DMRTC2: variants seen among roughly 807,000 people sequenced by gnomAD.
The protein encoded by DMRTC2 is doublesex- and mab-3-related transcription factor C2.
In DMRTC2, 13 loss-of-function variants were observed where a neutral mutation model predicts 39.9. That is an observed-to-expected ratio of 0.33 (90% CI 0.21 to 0.52). The LOEUF is 0.52. DMRTC2 is among the 20% of genes least tolerant of loss of function. DMRTC2 has a pLI of 0.96. For missense variants in DMRTC2, 431 were observed against 472.8 expected (o/e 0.91, Z 0.82); for synonymous variants, 189 against 185.2 (o/e 1.02, Z -0.17).
chr19:41,850,929 G>A (rs1227228246), intron 8 of DMRTC2: 2 of 478,868 alleles, frequency 4.2e-6, no homozygotes, highest in South Asian at 4.0e-5. Flanking sequence ...GGAAAGTGGG[G>A]CACTGAGAAA....
chr19:41,851,019 T>A, intron 8 of DMRTC2: 1 of 292,246 alleles, frequency 3.4e-6, no homozygotes, highest in Non-Finnish European at 6.3e-6. Flanking sequence ...GGCTGCCTGC[T>A]GAAGTCTGAA....
At chr19:41,845,441 G>A (rs1426894925) in intron 1 of DMRTC2, 1 of 152,308 alleles carries the variant, frequency 6.6e-6, no homozygotes, top group Non-Finnish European at 1.5e-5. Context: ...CAAGGAGAAG[G>A]TTTTTGGCCC....
intron 8 of DMRTC2, 72 bp downstream of exon 8, chr19:41,850,772 C>G: frequency 6.9e-7 from 1 of 1,447,666 alleles, no homozygotes; most frequent in Non-Finnish European, 9.1e-7. Context: ...CAGGGACTAA[C>G]CAAGGAGATG....
intron 3 of DMRTC2, 150 bp downstream of exon 3, chr19:41,848,031 A>G (rs1437661473): frequency 4.2e-6 from 5 of 1,203,504 alleles, no homozygotes; most frequent in Non-Finnish European, 3.4e-6. Context: ...CGTTGAGAGA[A>G]TGCAGCGAGT....
intron 8 of DMRTC2, 36 bp from the exon 9 acceptor site, chr19:41,851,548 T>C (rs2073956933): frequency 6.3e-7 from 1 of 1,576,138 alleles, no homozygotes; most frequent in South Asian, 1.1e-5. Context: ...GAAAAACAGG[T>C]GTGACCTGAT....
At chr19:41,846,954 T>C (rs1437560933) in intron 1 of DMRTC2, among the ~76,000 whole-genome samples, 2 of 151,286 alleles carry the variant, frequency 1.3e-5, no homozygotes, top group African/African-American at 2.4e-5. Context: ...GACAGGCAGA[T>C]CACTTGAGGC....
intron 1 of DMRTC2, among the ~76,000 whole-genome samples, chr19:41,845,934 C>T (rs919271078): frequency 6.6e-6 from 1 of 152,008 alleles, no homozygotes; most frequent in Non-Finnish European, 1.5e-5. Flanking sequence ...ATTGCTTGAG[C>T]TCAGGAGGTG....
rs1555836374 is a variant in DMRTC2, at chr19:41,847,870, C to T, written c.359C>T (p.Pro120Leu). The change falls in exon 3 of 9, where the codon CCA becomes CTA. Residue 120 changes from proline to leucine, a missense_variant. Coordinates refer to ENST00000269945, the MANE Select transcript of DMRTC2 (RefSeq NM_001040283.3). ...PNHFRKGTTQ[P>L]QVPSGKENIA... ...CACTTCAGAAAGGGAACCACTCAGC[C>T]ACAGGTCCCCTGTGAGTGTCTCTGA... The T allele has an allele frequency of 3.2e-6, 5 of 1,583,694 alleles. No individual in the cohort carries two copies. Among genetic ancestry groups the T allele is most frequent in the Non-Finnish European group, 3.4e-6 (4 of 1,164,172 alleles).
intron 6 of DMRTC2, among the ~76,000 whole-genome samples, chr19:41,849,592 C>T (rs1156276481): frequency 4.6e-5 from 7 of 152,134 alleles, no homozygotes; most frequent in Non-Finnish European, 1.0e-4. Flanking sequence ...GGTAAGATTG[C>T]CTGCTGATAT....
At chr19:41,846,686 G>A (rs2073857290) in intron 1 of DMRTC2, among the ~76,000 whole-genome samples, 3 of 152,034 alleles carry the variant, frequency 2.0e-5, no homozygotes, top group Non-Finnish European at 2.9e-5. Flanking sequence ...TCCTGCCTCA[G>A]CCTCTGGAGT....
At chr19:41,848,325 G>T in intron 3 of DMRTC2, 127 bp from the exon 4 acceptor site, 1 of 748,934 alleles carries the variant, frequency 1.3e-6, no homozygotes, top group South Asian at 2.0e-5. Flanking sequence ...CAGCCTGGGC[G>T]ACACAGCAAG....
At chr19:41,849,780 T>C (rs1293269819) in intron 6 of DMRTC2, among the ~76,000 whole-genome samples, 12 of 152,168 alleles carry the variant, frequency 7.9e-5, no homozygotes, top group Admixed American at 3.9e-4. Flanking sequence ...CTAGGTGTTT[T>C]TTTAAAAACC....
At chr19:41,850,401 C>G in intron 7 of DMRTC2, 29 bp downstream of exon 7, 1 of 1,563,680 alleles carries the variant, frequency 6.4e-7, no homozygotes, top group East Asian at 2.3e-5. Context: ...GATCTAGGGC[C>G]CTGGGAGGAG....
intron 6 of DMRTC2, among the ~76,000 whole-genome samples, chr19:41,849,836 T>C (rs782573363): frequency 6.6e-6 from 1 of 151,938 alleles, no homozygotes; most frequent in Non-Finnish European, 1.5e-5. Flanking sequence ...TCCCAACACT[T>C]TGGGAGGCTG....
intron 8 of DMRTC2, 64 bp from the exon 9 acceptor site, chr19:41,851,520 A>G: frequency 7.2e-7 from 1 of 1,380,292 alleles, no homozygotes; most frequent in Non-Finnish European, 1.0e-6. Context: ...TTCGGTAAAA[A>G]GAGGGGGTTG....
At position 41,850,079 on chromosome 19, in the gene DMRTC2, C is replaced by CA. The variant is rs368311927; in HGVS notation, c.756-221dup. 4.1e-3 allele frequency among the ~76,000 whole-genome samples: 545 copies of CA among 132,792 alleles called. 5 individuals carry two copies. The highest frequency in any genetic ancestry group is 0.013 in the African/African-American group (460 of 35,842). 87.1% of individuals were successfully genotyped at this position (132,792 alleles called of 152,430 possible). On this transcript the variant is annotated intron_variant, in intron 6 of 8. Transcript: ENST00000269945. ...TAGGTGACAGAGCAAGAGCCTGTCTCAAAAAAAAAAAAGACACTAGTGATT... is the reference window on the plus strand; with the variant it reads ...TAGGTGACAGAGCAAGAGCCTGTCTCAAAAAAAAAAAAAGACACTAGTGATT...
Position 41,848,916 on chromosome 19 carries a change from C to T in DMRTC2, c.569C>T (p.Pro190Leu). ...CTGCCTCCAGGCTTCTCCATGCCAC[C>T]ACCAGTGGTGTGCCGCCTGCTGTAC... The part of the protein sequence containing the change: ...HWLPPGFSMP[P>L]PVVCRLLYQE... Residue 190 changes from proline to leucine, a missense_variant, in exon 5 of 9, where the codon CCA (proline) becomes CTA (leucine). Transcript: ENST00000269945. 3 of 1,613,894 alleles carry T rather than the reference C, an allele frequency of 1.9e-6. 1 individual carries two copies. Among genetic ancestry groups the T allele is most frequent in the South Asian group, 2.2e-5 (2 of 91,086 alleles).
At chr19:41,850,896 G>A (rs1031442807) in intron 8 of DMRTC2, 196 bp downstream of exon 8, 11 of 520,238 alleles carry the variant, frequency 2.1e-5, no homozygotes, top group Admixed American at 4.0e-5. Flanking sequence ...TTTGGCACTC[G>A]ACAGCAAATT....
chr19:41,850,582 G>C lies in DMRTC2; in HGVS notation c.873G>C (p.Gln291His). ...RTSGPSEWQL[Q>H]QEAAEALVGL... ...CTGGCCCCTCAGAGTGGCAGCTGCAGCAAGAGGCAGCTGAAGCCCTCGTGG... is the reference window on the plus strand; with the variant it reads ...CTGGCCCCTCAGAGTGGCAGCTGCACCAAGAGGCAGCTGAAGCCCTCGTGG... Residue 291 changes from glutamine to histidine, a missense_variant, in exon 8 of 9, where the codon CAG becomes CAC. By Grantham distance (24) the Gln-to-His change is conservative. Coordinates refer to ENST00000269945, the MANE Select transcript of DMRTC2 (RefSeq NM_001040283.3). 1 of 1,613,588 alleles carries C rather than the reference G, an allele frequency of 6.2e-7. No individual in the cohort carries two copies. The highest frequency in any genetic ancestry group is 8.5e-7 in the Non-Finnish European group (1 of 1,179,798).
Sources: allele counts gnomAD v4.1 joint callset (sites outside exome capture counted in the v4.1 genomes callset), GRCh38; gene constraint gnomAD v4.1.1; transcripts MANE v1.5; gene names NCBI Gene and HGNC (gene_info 2026-07-23, HGNC 2026-07-21).